WLS: variants seen among roughly 807,000 people sequenced by gnomAD.
WLS encodes the protein Wnt ligand secretion mediator.
In WLS, 23 loss-of-function variants were observed where a neutral mutation model predicts 62.8. The ratio of observed to expected loss-of-function variants is 0.37; its 90% confidence interval spans 0.26 to 0.52. The LOEUF (loss-of-function observed/expected upper bound fraction) is 0.52, where lower values mean the gene tolerates loss of function less well. Among genes scored for constraint, WLS ranks in the 20% least tolerant of loss-of-function variants. WLS has a pLI of 0.92. For missense variants in WLS, 615 were observed against 697.3 expected, an observed-to-expected ratio of 0.88 and a Z score of 1.33; for synonymous variants, 246 against 244.1, an observed-to-expected ratio of 1.01 and a Z score of -0.07.
rs779321960 is a variant in WLS at position 68,148,616 on chromosome 1, G to A, written c.1017C>T (p.Val339=). 1.5e-5 allele frequency: 24 copies of A among 1,613,898 alleles called. No individual in the cohort carries two copies. Among genetic ancestry groups the A allele is most frequent in the South Asian group, 7.7e-5 (7 of 91,034 alleles). ...AGAAGGAGCCAACGGCAATGGGTCC[G>A]ACTTGCTTCCAATACCCTGCGATGT... ...RNHIAGYWKQ[V]GPIAVGSFCL... Residue 339 remains valine (V), a synonymous_variant, in exon 7 of 12, where the codon GTC becomes GTT. Coordinates refer to ENST00000262348, the MANE Select transcript of WLS (RefSeq NM_024911.7).
At chr1:68,119,058 A>G (rs34994108) in intron 11 of WLS, among the ~76,000 whole-genome samples, 3,238 of 152,252 alleles carry the variant, frequency 0.021, 45 homozygotes, top group Non-Finnish European at 0.032. Flanking sequence ...ATATTGTAAT[A>G]GTCAAACTTT....
At chr1:68,108,480 C>T (rs1414683543) in intron 11 of WLS, among the ~76,000 whole-genome samples, 2 of 152,188 alleles carry the variant, frequency 1.3e-5, no homozygotes, top group Non-Finnish European at 2.9e-5. Context: ...AGTGTACCCA[C>T]TCCAGCCACC....
At chr1:68,218,242 T>G (rs1649812830) in intron 1 of WLS, among the ~76,000 whole-genome samples, 1 of 152,198 alleles carries the variant, frequency 6.6e-6, no homozygotes, top group South Asian at 2.1e-4. Flanking sequence ...GGTGGATTTT[T>G]TTTTCTTTTT....
At chr1:68,157,462 G>T (rs1646915110) in intron 3 of WLS, among the ~76,000 whole-genome samples, 1 of 152,144 alleles carries the variant, frequency 6.6e-6, no homozygotes, top group Admixed American at 6.5e-5. Flanking sequence ...GCCTCTGCCA[G>T]TATTTAGGGC....
chr1:68,223,391 A>G (rs967971306), intron 1 of WLS, among the ~76,000 whole-genome samples: 1 of 152,222 alleles, frequency 6.6e-6, no homozygotes, highest in Non-Finnish European at 1.5e-5. Context: ...CAAACCAAGT[A>G]AGGTTTTGGG....
At chr1:68,176,825 A>G (rs1177390885) in intron 2 of WLS, among the ~76,000 whole-genome samples, 1 of 152,234 alleles carries the variant, frequency 6.6e-6, no homozygotes, top group African/African-American at 2.4e-5. Flanking sequence ...CTTTTTCTCC[A>G]GTAACAGCCT....
At chr1:68,230,586 C>CGTGTGTGTGTGTGT (rs1394504243) in intron 1 of WLS, among the ~76,000 whole-genome samples, 1 of 136,980 alleles carries the variant, frequency 7.3e-6, no homozygotes, top group East Asian at 3.2e-4. Flanking sequence ...TGTGTGTGCG[C>CGTGTGTGTGTGTGT]GCGTGTGTGT....
rs540284221 is a variant in WLS, at chr1:68,117,978, A to T, written c.1511-19225T>A. Among the ~76,000 whole-genome samples, 4 of 152,234 alleles carry T rather than the reference A, an allele frequency of 2.6e-5. No individual in the cohort carries two copies. The East Asian group carries it at 5.8e-4, about 22-fold the overall frequency. On this transcript the variant is annotated intron_variant, in intron 11 of 11. Transcript: ENST00000354777. ...ATTCTATATGAATTGATGAGAAAAAAAAAACAGAATTTTTAAAACTAGAAA... is the reference window on the plus strand; with the variant it reads ...ATTCTATATGAATTGATGAGAAAAATAAAACAGAATTTTTAAAACTAGAAA...
At chr1:68,120,279 A>G (rs1304984676) in intron 11 of WLS, among the ~76,000 whole-genome samples, 1 of 152,212 alleles carries the variant, frequency 6.6e-6, no homozygotes, top group African/African-American at 2.4e-5. Flanking sequence ...ACTGAAAAGC[A>G]ATAATCCAAG....
chr1:68,166,232 C>G (rs191992965), intron 2 of WLS, among the ~76,000 whole-genome samples: 1 of 152,088 alleles, frequency 6.6e-6, no homozygotes, highest in Admixed American at 6.5e-5. Context: ...TCTTAAGGAA[C>G]TTGTATAAAG....
chr1:68,200,607 G>T (rs17130575), intron 1 of WLS, among the ~76,000 whole-genome samples: 2,532 of 149,744 alleles, frequency 0.017, 35 homozygotes, highest in Non-Finnish European at 0.018. Flanking sequence ...TGAAACAACA[G>T]CTGGGAAATA....
intron 2 of WLS, among the ~76,000 whole-genome samples, chr1:68,180,689 A>C (rs1326321882): frequency 6.6e-6 from 1 of 152,144 alleles, no homozygotes; most frequent in East Asian, 1.9e-4. Flanking sequence ...GGGCCTTCAC[A>C]GCCTCTGTAC....
intron 10 of WLS, 110 bp downstream of exon 10, chr1:68,144,459 A>C: frequency 1.3e-5 from 14 of 1,052,260 alleles, no homozygotes; most frequent in Middle Eastern, 5.1e-4. Context: ...CCAGCTGTCC[A>C]GAATTATGGC....
intron 10 of WLS, among the ~76,000 whole-genome samples, chr1:68,142,421 G>T (rs1646698669): frequency 6.6e-6 from 1 of 152,162 alleles, no homozygotes; most frequent in South Asian, 2.1e-4. Flanking sequence ...TGCAGGTCTG[G>T]CTGTGTCAAG....
At chr1:68,191,806 G>A (rs191999039) in intron 2 of WLS, among the ~76,000 whole-genome samples, 10 of 152,210 alleles carry the variant, frequency 6.6e-5, no homozygotes, top group South Asian at 4.2e-4. Context: ...CTTCTATATA[G>A]AATGCTCTTT....
intron 1 of WLS, among the ~76,000 whole-genome samples, chr1:68,223,298 G>A (rs1650014507): frequency 6.6e-6 from 1 of 152,076 alleles, no homozygotes; most frequent in South Asian, 2.1e-4. Flanking sequence ...TTTATCATTT[G>A]GGGGAGGTTC....
chr1:68,184,910 T>C (rs942087174), intron 2 of WLS, among the ~76,000 whole-genome samples: 11 of 151,812 alleles, frequency 7.2e-5, no homozygotes, highest in Middle Eastern at 3.2e-3. Context: ...CATTTAGAAG[T>C]TGAACTCCGA....
At chr1:68,141,486 AT>A (rs1339475729) in intron 10 of WLS, 1 of 152,238 alleles carries the variant, frequency 6.6e-6, no homozygotes, top group Non-Finnish European at 1.5e-5. Context: ...GACTGAGGCC[AT>A]TAAAATGGCA....
chr1:68,116,179 G>A (rs779377785), intron 11 of WLS, among the ~76,000 whole-genome samples: 6 of 152,206 alleles, frequency 3.9e-5, no homozygotes, highest in Non-Finnish European at 5.9e-5. Flanking sequence ...GCAGCAGCTC[G>A]GAGATTCAGG....
Sources: allele counts gnomAD v4.1 joint callset (sites outside exome capture counted in the v4.1 genomes callset), GRCh38; gene constraint gnomAD v4.1.1; transcripts MANE v1.5; gene names NCBI Gene and HGNC (gene_info 2026-07-23, HGNC 2026-07-21).